Variants in PPARGC1A observed in about 807,000 individuals in gnomAD.
The protein encoded by PPARGC1A is PPARG coactivator 1 alpha.
PPARGC1A carries 25 observed loss-of-function variants against 88.7 expected under a neutral mutation model. The ratio of observed to expected loss-of-function variants is 0.28; its 90% CI spans 0.21 to 0.39. The LOEUF is 0.39. Ranked by LOEUF, PPARGC1A falls within the 10% of genes least tolerant of loss-of-function variation. PPARGC1A has a pLI of 1.00. For synonymous variants in PPARGC1A, 363 were observed against 355.6 expected, an observed-to-expected ratio of 1.02 and a Z score of -0.24; for missense variants, 880 against 968.7, an observed-to-expected ratio of 0.91 and a Z score of 1.22.
chr4:24,419,216 C>A, the PPARGC1A span, among the ~76,000 whole-genome samples: 9 of 151,458 alleles, frequency 5.9e-5, no homozygotes, highest in Non-Finnish European at 1.2e-4. Context: ...AGATGAACAC[C>A]AAAGAAAAAG....
At chr4:24,151,866 A>C in the PPARGC1A span, among the ~76,000 whole-genome samples, 1 of 152,208 alleles carries the variant, frequency 6.6e-6, no homozygotes, top group African/African-American at 2.4e-5. Flanking sequence ...CCTCATACTT[A>C]GGCAGAAACA....
the PPARGC1A span, among the ~76,000 whole-genome samples, chr4:24,140,082 G>A: frequency 1.3e-5 from 2 of 152,136 alleles, no homozygotes; most frequent in African/African-American, 2.4e-5. Flanking sequence ...GGGAGAGAGG[G>A]TTGCTCGGTC....
At chr4:24,466,629 C>G in the PPARGC1A span, among the ~76,000 whole-genome samples, 1 of 152,100 alleles carries the variant, frequency 6.6e-6, no homozygotes, top group African/African-American at 2.4e-5. Flanking sequence ...ATTGTCACTG[C>G]TCTTTAATTA....
At chr4:24,267,441 A>C in the PPARGC1A span, among the ~76,000 whole-genome samples, 1 of 152,204 alleles carries the variant, frequency 6.6e-6, no homozygotes, top group Non-Finnish European at 1.5e-5. Context: ...CTTCACCCTT[A>C]AATGCCAAAA....
At chr4:23,804,065 C>A (rs1026228613) in intron 10 of PPARGC1A, among the ~76,000 whole-genome samples, 1 of 152,126 alleles carries the variant, frequency 6.6e-6, no homozygotes, top group Non-Finnish European at 1.5e-5. Flanking sequence ...ACATGCTCGC[C>A]TCTATTTTTT....
the PPARGC1A span, among the ~76,000 whole-genome samples, chr4:24,250,593 G>A: frequency 6.6e-6 from 1 of 152,168 alleles, no homozygotes; most frequent in African/African-American, 2.4e-5. Flanking sequence ...GAAGGAGGTG[G>A]GAAGAGGCAA....
chr4:24,108,204 G>A, the PPARGC1A span, among the ~76,000 whole-genome samples: 1 of 152,126 alleles, frequency 6.6e-6, no homozygotes, highest in Non-Finnish European at 1.5e-5. Context: ...GTGCTCCTGT[G>A]AGAGAAGAGA....
the PPARGC1A span, among the ~76,000 whole-genome samples, chr4:24,197,042 C>T: frequency 1.3e-5 from 2 of 152,098 alleles, no homozygotes; most frequent in Admixed American, 6.6e-5. Flanking sequence ...GTGAAAGGTG[C>T]CTAGTCAACC....
chr4:24,108,127 G>A, the PPARGC1A span, among the ~76,000 whole-genome samples: 1 of 152,098 alleles, frequency 6.6e-6, no homozygotes, highest in East Asian at 1.9e-4. Context: ...TTTCCCATAT[G>A]CCTAAATTGC....
the PPARGC1A span, among the ~76,000 whole-genome samples, chr4:24,027,765 T>G: frequency 6.6e-6 from 1 of 152,172 alleles, no homozygotes; most frequent in Non-Finnish European, 1.5e-5. Context: ...ATAATTAACA[T>G]TAATATTATC....
chr4:24,353,819 T>A, the PPARGC1A span, among the ~76,000 whole-genome samples: 1 of 152,192 alleles, frequency 6.6e-6, no homozygotes, highest in South Asian at 2.1e-4. Flanking sequence ...TTGATTTTGA[T>A]AGGAAACGAC....
intron 2 of PPARGC1A, among the ~76,000 whole-genome samples, chr4:23,847,299 G>A (rs769196443): frequency 3.3e-5 from 5 of 152,124 alleles, no homozygotes; most frequent in Non-Finnish European, 7.4e-5. Context: ...CCTCACATGT[G>A]CCACAGAACA....
chr4:24,128,006 G>T, the PPARGC1A span, among the ~76,000 whole-genome samples: 2 of 151,970 alleles, frequency 1.3e-5, no homozygotes, highest in South Asian at 4.2e-4. Flanking sequence ...TACTTCTGTC[G>T]AACTCCCTCT....
At chr4:24,381,980 T>C in the PPARGC1A span, among the ~76,000 whole-genome samples, 3 of 152,318 alleles carry the variant, frequency 2.0e-5, no homozygotes, top group Middle Eastern at 6.8e-3. Context: ...CATTCTTTCC[T>C]TCCACTCACC....
the PPARGC1A span, among the ~76,000 whole-genome samples, chr4:24,332,736 A>T: frequency 6.6e-6 from 1 of 152,202 alleles, no homozygotes; most frequent in Non-Finnish European, 1.5e-5. Context: ...GCAAGTAGAG[A>T]AATCTAGAAA....
At chr4:24,214,445 G>A in the PPARGC1A span, among the ~76,000 whole-genome samples, 1,471 of 152,244 alleles carry the variant, frequency 9.7e-3, 30 homozygotes, top group African/African-American at 0.034. Flanking sequence ...AAGAATGACA[G>A]CATAGTGTTT....
At chr4:24,211,075 A>G in the PPARGC1A span, among the ~76,000 whole-genome samples, 1 of 152,200 alleles carries the variant, frequency 6.6e-6, no homozygotes, top group Non-Finnish European at 1.5e-5. Context: ...ACCACTCTAG[A>G]CGCTGAACTT....
the PPARGC1A span, among the ~76,000 whole-genome samples, chr4:24,044,771 C>A: frequency 6.6e-6 from 1 of 152,182 alleles, no homozygotes; most frequent in African/African-American, 2.4e-5. Flanking sequence ...CACTGGGAAG[C>A]ACACTGCACC....
At chr4:23,907,172 C>T (rs1232021126), upstream of PPARGC1A, among the ~76,000 whole-genome samples, 1 of 151,976 alleles carries the variant, frequency 6.6e-6, no homozygotes, top group Admixed American at 6.6e-5. Context: ...AGAGTAGACC[C>T]GTGAATACTA....
Sources: gnomAD v4.1 joint callset for allele counts (sites outside exome capture counted in the v4.1 genomes callset) on GRCh38, gnomAD v4.1.1 for gene constraint, MANE v1.5 for transcripts, NCBI Gene and HGNC (gene_info 2026-07-23, HGNC 2026-07-21) for gene names.